The following CACNB2 variants were observed in gnomAD, a reference collection of about 807,000 sequenced individuals.
The protein encoded by CACNB2 is calcium voltage-gated channel auxiliary subunit beta 2.
In CACNB2, 42 loss-of-function variants were observed where a neutral mutation model predicts 73.3. The ratio of observed to expected loss-of-function variants is 0.57; its 90% CI spans 0.45 to 0.74. The LOEUF (loss-of-function observed/expected upper bound fraction) is 0.74, where lower values mean the gene tolerates loss of function less well. CACNB2 is among the 30% of genes least tolerant of loss of function. CACNB2 has a pLI of 0.00. For synonymous variants in CACNB2, 348 were observed against 310.3 expected, an observed-to-expected ratio of 1.12 and a Z score of -1.28; for missense variants, 940 against 853.0, an observed-to-expected ratio of 1.10 and a Z score of -1.27.
At chr10:18,200,335 T>C (rs1487525576) in intron 2 of CACNB2, among the ~76,000 whole-genome samples, 3 of 152,070 alleles carry the variant, frequency 2.0e-5, no homozygotes, top group Admixed American at 6.5e-5. Flanking sequence ...TTTTGACTTC[T>C]GTAATCCATA....
At chr10:18,440,727 G>A (rs1188555123) in intron 3 of CACNB2, among the ~76,000 whole-genome samples, 2 of 152,094 alleles carry the variant, frequency 1.3e-5, no homozygotes, top group Non-Finnish European at 2.9e-5. Flanking sequence ...GATATTTGAG[G>A]ATAGATTATT....
chr10:18,348,092 T>G (rs1246628832), intron 2 of CACNB2, among the ~76,000 whole-genome samples: 1 of 152,216 alleles, frequency 6.6e-6, no homozygotes. Flanking sequence ...ACATGTGATA[T>G]GCTGAGTACT....
At chr10:18,141,747 C>T (rs968468065) in intron 1 of CACNB2, among the ~76,000 whole-genome samples, 1 of 152,224 alleles carries the variant, frequency 6.6e-6, no homozygotes, top group Non-Finnish European at 1.5e-5. Flanking sequence ...TGAGGAGTCG[C>T]TCAACTTTTC....
chr10:18,230,752 G>A (rs962154775), intron 2 of CACNB2, among the ~76,000 whole-genome samples: 8 of 151,988 alleles, frequency 5.3e-5, no homozygotes, highest in South Asian at 2.1e-4. Context: ...ATGGGGAGAC[G>A]TATTTTATTT....
chr10:18,241,556 A>C (rs1245924596), intron 2 of CACNB2, among the ~76,000 whole-genome samples: 1 of 152,026 alleles, frequency 6.6e-6, no homozygotes, highest in Non-Finnish European at 1.5e-5. Context: ...CATGTTATGT[A>C]CATGTACCCC....
At chr10:18,512,345 C>A (rs575698998) in intron 6 of CACNB2, among the ~76,000 whole-genome samples, 1 of 152,142 alleles carries the variant, frequency 6.6e-6, no homozygotes, top group African/African-American at 2.4e-5. Flanking sequence ...AGTGTTTTCC[C>A]ATTAGTCTTC....
At chr10:18,171,042 C>T (rs1459725676) in intron 2 of CACNB2, among the ~76,000 whole-genome samples, 1 of 152,198 alleles carries the variant, frequency 6.6e-6, no homozygotes, top group East Asian at 1.9e-4. Flanking sequence ...TCATTAAACG[C>T]ACACTCTGCC....
intron 3 of CACNB2, among the ~76,000 whole-genome samples, chr10:18,421,527 C>T (rs557110386): frequency 6.6e-6 from 1 of 152,034 alleles, no homozygotes; most frequent in East Asian, 1.9e-4. Flanking sequence ...CTCAAACTCC[C>T]GACCTCAGGT....
chr10:18,302,495 G>C (rs1034942024), intron 2 of CACNB2, among the ~76,000 whole-genome samples: 2 of 152,180 alleles, frequency 1.3e-5, no homozygotes, highest in Non-Finnish European at 2.9e-5. Flanking sequence ...CGATATGTAC[G>C]CAATGGAATA....
intron 3 of CACNB2, among the ~76,000 whole-genome samples, chr10:18,417,438 G>A (rs1034375332): frequency 2.8e-5 from 4 of 140,802 alleles, no homozygotes; most frequent in Non-Finnish European, 6.0e-5. Context: ...GCGCGATCTC[G>A]GCTCACTGCA....
chr10:18,392,177 G>A (rs553244754), intron 2 of CACNB2, among the ~76,000 whole-genome samples: 13 of 152,218 alleles, frequency 8.5e-5, no homozygotes, highest in African/African-American at 2.9e-4. Context: ...GGTTAGAGCC[G>A]AAAGAAGGGA....
intron 2 of CACNB2, among the ~76,000 whole-genome samples, chr10:18,166,296 C>G (rs1297830984): frequency 6.6e-6 from 1 of 151,894 alleles, no homozygotes; most frequent in Non-Finnish European, 1.5e-5. Flanking sequence ...GTAGTTCTAT[C>G]CCAGGCTGAA....
Position 18,506,477 on chromosome 10 carries a change from A to C in CACNB2, c.600A>C (p.Ser200=). 1 of 1,605,676 alleles carries C rather than the reference A, an allele frequency of 6.2e-7. No homozygotes were observed. The highest frequency in any genetic ancestry group is 8.5e-7 in the Non-Finnish European group (1 of 1,172,426). Residue 200 remains serine, a synonymous_variant, in exon 6 of 14, where the codon TCA becomes TCC. Coordinates refer to ENST00000324631, the MANE Select transcript of CACNB2 (RefSeq NM_201596.3). ...AATTTTTGCTTTACTCCAGTAAATC[A>C]GGAGGAAATTCATCATCCAGTTTGG... ...AKQGKFYSSK[S]GGNSSSSLGD... is the part of the protein sequence containing the mutation.
intron 2 of CACNB2, among the ~76,000 whole-genome samples, chr10:18,323,004 C>A (rs2040452110): frequency 6.8e-6 from 1 of 147,156 alleles, no homozygotes; most frequent in Non-Finnish European, 1.5e-5. Flanking sequence ...GCTCTGTCAC[C>A]CAGACTGGAG....
At chr10:18,414,483 C>CTTT (rs11384501) in intron 3 of CACNB2, among the ~76,000 whole-genome samples, 61 of 132,152 alleles carry the variant, frequency 4.6e-4, no homozygotes, top group African/African-American at 1.2e-3. Flanking sequence ...TTACTACTAC[C>CTTT]TTTTTTTTTT....
At chr10:18,496,099 T>C (rs1482561438) in intron 3 of CACNB2, among the ~76,000 whole-genome samples, 1 of 148,124 alleles carries the variant, frequency 6.8e-6, no homozygotes, top group East Asian at 2.0e-4. Context: ...GGTAGAAGAA[T>C]CGCTTGAACC....
intron 2 of CACNB2, among the ~76,000 whole-genome samples, chr10:18,241,609 C>T (rs11013133): frequency 5.3e-5 from 8 of 151,144 alleles, no homozygotes; most frequent in African/African-American, 1.9e-4. Context: ...ATACAGGTGA[C>T]CTATAAAGAG....
At position 18,539,355 on chromosome 10, in the gene CACNB2, C is replaced by T; in HGVS notation, c.1614C>T (p.His538=). The change falls in exon 14 of 14, where the codon CAC becomes CAT. Residue 538 remains histidine (H), a synonymous_variant. Coordinates refer to ENST00000324631, the MANE Select transcript of CACNB2 (RefSeq NM_201596.3). ...SQHRSSSSAP[H]HNHRSGTSRG... ...ACCGCTCTTCCTCCTCAGCCCCACA[C>T]CACAACCATCGCAGTGGGACAAGTC... 6.2e-7 allele frequency: 1 copy of T among 1,614,130 alleles called. No homozygotes were observed. The highest frequency in any genetic ancestry group is 8.5e-7 in the Non-Finnish European group (1 of 1,180,016).
At position 18,290,112 on chromosome 10, in the gene CACNB2, C is replaced by CTTTTT. The variant is rs992393946; in HGVS notation, c.214-111789_214-111785dup. Among the ~76,000 whole-genome samples, 199 of 50,174 alleles carry CTTTTT rather than the reference C, an allele frequency of 4.0e-3. 2 individuals are homozygous for CTTTTT. The highest frequency in any genetic ancestry group is 7.2e-3 in the East Asian group (11 of 1,524). The allele number at this position is 50,174 out of a possible 152,430, so 32.9% of individuals were successfully genotyped here. On this transcript the variant is annotated intron_variant, in intron 2 of 13. Transcript: ENST00000324631. ...TAAAGTTTTTTTCTTTTTTCTTTTT[C>CTTTTT]TTTTTTTTTTTTTTTTTTTTTTTTT...
Sources: gnomAD v4.1 joint callset for allele counts (sites outside exome capture counted in the v4.1 genomes callset) on GRCh38, gnomAD v4.1.1 for gene constraint, MANE v1.5 for transcripts, NCBI Gene and HGNC (gene_info 2026-07-23, HGNC 2026-07-21) for gene names.